Variants in GALNT18 observed in about 807,000 individuals in gnomAD.
The protein encoded by GALNT18 is polypeptide N-acetylgalactosaminyltransferase 18.
GALNT18 carries 44 observed loss-of-function variants against 69.5 expected under a neutral mutation model. The ratio of observed to expected loss-of-function variants is 0.63; its 90% confidence interval spans 0.50 to 0.81. The LOEUF (loss-of-function observed/expected upper bound fraction) is 0.81. GALNT18 is among the 40% of genes least tolerant of loss of function. The pLI is 0.00. For synonymous variants in GALNT18, 364 were observed against 318.2 expected, an observed-to-expected ratio of 1.14 and a Z score of -1.53; for missense variants, 715 against 810.0, an observed-to-expected ratio of 0.88 and a Z score of 1.42.
chr11:11,506,559 G>A (rs2133906712), intron 1 of GALNT18, among the ~76,000 whole-genome samples: 1 of 152,312 alleles, frequency 6.6e-6, no homozygotes, highest in South Asian at 2.1e-4. Context: ...CAGGCTTCCT[G>A]GAGTAGTGCT....
intron 1 of GALNT18, among the ~76,000 whole-genome samples, chr11:11,569,807 A>G (rs115405045): frequency 0.011 from 1,733 of 152,222 alleles, 37 homozygotes; most frequent in African/African-American, 0.039. Flanking sequence ...GAGATGAGAC[A>G]TGGAGATCAC....
chr11:11,479,008 C>A (rs1271262791), intron 1 of GALNT18, among the ~76,000 whole-genome samples: 15 of 152,198 alleles, frequency 9.9e-5, no homozygotes. Context: ...CCACCTTCTG[C>A]CAATGGCCCT....
intron 6 of GALNT18, among the ~76,000 whole-genome samples, chr11:11,361,372 G>A (rs997570290): frequency 8.5e-5 from 13 of 152,176 alleles, no homozygotes; most frequent in Middle Eastern, 3.2e-3. Context: ...ATATCCATCT[G>A]TAAGTGGAGA....
At chr11:11,334,654 A>G (rs1316898320) in intron 7 of GALNT18, among the ~76,000 whole-genome samples, 1 of 152,220 alleles carries the variant, frequency 6.6e-6, no homozygotes, top group Non-Finnish European at 1.5e-5. Context: ...CTGAAGGTTA[A>G]AGTTCTAGAA....
At position 11,555,261 on chromosome 11, in the gene GALNT18, C is replaced by T. The variant is rs765639069; in HGVS notation, c.235+66098G>A. 6.6e-6 allele frequency among the ~76,000 whole-genome samples: 1 copy of T among 152,188 alleles called. No homozygotes were observed. The highest frequency in any genetic ancestry group is 1.5e-5 in the Non-Finnish European group (1 of 68,036). On this transcript the variant is annotated intron_variant, in intron 1 of 10. Transcript: ENST00000227756. The surrounding 1 kb of genome is among the most constrained non-coding windows in gnomAD (Gnocchi z 4.7). ...TGCCAAGGACCCAGCCCCTCTCTGACAGCCAACAGGCTGCAGGGTTCTCTG... is the reference window on the plus strand; with the variant it reads ...TGCCAAGGACCCAGCCCCTCTCTGATAGCCAACAGGCTGCAGGGTTCTCTG...
At chr11:11,310,932 A>C (rs1229875355) in intron 9 of GALNT18, among the ~76,000 whole-genome samples, 1 of 152,186 alleles carries the variant, frequency 6.6e-6, no homozygotes, top group Non-Finnish European at 1.5e-5. Context: ...CCTGATATAA[A>C]CATTATTCAG....
At chr11:11,405,529 T>C (rs1009173248) in intron 3 of GALNT18, among the ~76,000 whole-genome samples, 4 of 152,132 alleles carry the variant, frequency 2.6e-5, no homozygotes, top group African/African-American at 9.7e-5. Flanking sequence ...TCTTCTTCCA[T>C]GGGCTTTTGG....
chr11:11,487,680 G>A (rs147607663), intron 1 of GALNT18, among the ~76,000 whole-genome samples: 1 of 152,290 alleles, frequency 6.6e-6, no homozygotes, highest in African/African-American at 2.4e-5. Context: ...AACAGTGGCA[G>A]CCCCAAGCAT....
Position 11,543,910 on chromosome 11 carries a change from T to C in GALNT18, c.235+77449A>G, listed in dbSNP as rs780604859. On this transcript the variant is annotated intron_variant, in intron 1 of 10. Transcript: ENST00000227756. This position sits in a 1 kb window ranked among gnomAD's most constrained non-coding sequence, Gnocchi z 5.1. Reference sequence around the variant, plus strand: ...GAAAGGCCTTTCCTAAGTGACTTCCTCACTCCAGGCCCAAGCCAAGAAACA... The same window carrying C: ...GAAAGGCCTTTCCTAAGTGACTTCCCCACTCCAGGCCCAAGCCAAGAAACA... Among the ~76,000 whole-genome samples, 4 of 152,190 alleles carry C rather than the reference T, an allele frequency of 2.6e-5. No individual in the cohort carries two copies. Among genetic ancestry groups the C allele is most frequent in the Non-Finnish European group, 2.9e-5 (2 of 68,024 alleles).
At chr11:11,360,605 A>G (rs1850624137) in intron 6 of GALNT18, among the ~76,000 whole-genome samples, 1 of 152,102 alleles carries the variant, frequency 6.6e-6, no homozygotes, top group East Asian at 1.9e-4. Flanking sequence ...TTCTTCTATC[A>G]GTATGCTTTT....
At chr11:11,285,005 G>A (rs529398021) in intron 10 of GALNT18, among the ~76,000 whole-genome samples, 72 of 146,522 alleles carry the variant, frequency 4.9e-4, no homozygotes, top group African/African-American at 1.7e-3. Flanking sequence ...TTGTGTGAAG[G>A]GCCCCTTGGA....
At chr11:11,434,360 T>G (rs1855350349) in intron 2 of GALNT18, among the ~76,000 whole-genome samples, 1 of 152,208 alleles carries the variant, frequency 6.6e-6, no homozygotes, top group South Asian at 2.1e-4. Context: ...GGAATAAATA[T>G]TTATTGAGTA....
chr11:11,369,651 C>T (rs1451960954), intron 6 of GALNT18, among the ~76,000 whole-genome samples: 2 of 152,002 alleles, frequency 1.3e-5, no homozygotes, highest in African/African-American at 4.8e-5. Context: ...CTTGCCAGCC[C>T]TTAAATGTTT....
intron 1 of GALNT18, among the ~76,000 whole-genome samples, chr11:11,558,115 T>A (rs1229605083): frequency 3.3e-5 from 5 of 152,170 alleles, no homozygotes; most frequent in African/African-American, 1.2e-4. Context: ...ATCCTCCTTC[T>A]GCCACAAGAT....
rs11351706 is a variant in GALNT18 at position 11,337,961 on chromosome 11, A to ATT, written c.1278+2856_1278+2857dup. Among the ~76,000 whole-genome samples the ATT allele has an allele frequency of 0.012, 1,483 of 118,760 alleles. 43 individuals carry two copies. The highest frequency in any genetic ancestry group is 0.039 in the African/African-American group (1,196 of 30,494). The allele number at this position is 118,760 out of a possible 152,430, so 77.9% of individuals were successfully genotyped here. A position where few individuals can be genotyped will look rare whatever the true frequency, so the allele number is the denominator to read the frequency against. On this transcript the variant is annotated intron_variant, in intron 7 of 10. Coordinates refer to ENST00000227756, the MANE Select transcript of GALNT18 (RefSeq NM_198516.3). This position sits in a 1 kb window ranked among gnomAD's most constrained non-coding sequence, Gnocchi z 4.9. Reference sequence around the variant, plus strand: ...TGTACATAGCAGGAGTCATTTAAAGATTTTTTTTTTTTTTTTTTTTTTGAG... The same window carrying ATT: ...TGTACATAGCAGGAGTCATTTAAAGATTTTTTTTTTTTTTTTTTTTTTTTGAG...
intron 6 of GALNT18, among the ~76,000 whole-genome samples, chr11:11,351,103 G>C (rs1352815283): frequency 5.9e-5 from 9 of 152,146 alleles, no homozygotes; most frequent in Non-Finnish European, 1.2e-4. Flanking sequence ...TCTGGAAGGT[G>C]ACCGCTTCCC....
rs976488074 is a variant in GALNT18 at position 11,308,782 on chromosome 11, C to A, written c.1513-15589G>T. Among the ~76,000 whole-genome samples, 5 of 152,176 alleles carry A rather than the reference C, an allele frequency of 3.3e-5. No individual in the cohort carries two copies. In the South Asian group the frequency reaches 6.2e-4, roughly 19 times the overall value. On this transcript the variant is annotated intron_variant, in intron 9 of 10. Coordinates refer to ENST00000227756, the MANE Select transcript of GALNT18 (RefSeq NM_198516.3). ...TTAAGTGCCAGGCAGTCAGCTACAT[C>A]CATCAAGGTCTTTGGCACCAGGCTC... is the stretch of plus-strand genomic sequence containing the variant.
chr11:11,373,128 G>A (rs1269828815), intron 5 of GALNT18, among the ~76,000 whole-genome samples: 1 of 152,130 alleles, frequency 6.6e-6, no homozygotes, highest in Non-Finnish European at 1.5e-5. Context: ...AGGTAAATAG[G>A]TGTCCATGAG....
At position 11,587,338 on chromosome 11, in the gene GALNT18, A is replaced by C. The variant is rs988765152; in HGVS notation, c.235+34021T>G. ...TTCCACAGAGTTGAGCACTGGCTGG[A>C]AATGCCATGATTCCCATGTCAGTAC... On this transcript the variant is annotated intron_variant, in intron 1 of 10. Transcript: ENST00000227756. This position sits in a 1 kb window ranked among gnomAD's most constrained non-coding sequence, Gnocchi z 4.4. Among the ~76,000 whole-genome samples the C allele has an allele frequency of 6.6e-6, 1 of 152,240 alleles. No homozygotes were observed. The highest frequency in any genetic ancestry group is 1.5e-5 in the Non-Finnish European group (1 of 68,042).
Sources: allele counts gnomAD v4.1 joint callset (sites outside exome capture counted in the v4.1 genomes callset), GRCh38; gene constraint gnomAD v4.1.1; non-coding constraint Gnocchi (gnomAD v3.1); transcripts MANE v1.5; gene names NCBI Gene and HGNC (gene_info 2026-07-23, HGNC 2026-07-21).